The following ZFHX3 variants were observed in gnomAD, a reference collection of about 807,000 sequenced individuals.
The protein encoded by ZFHX3 is zinc finger homeobox protein 3.
ZFHX3 carries 42 observed loss-of-function variants against 279.1 expected under a neutral mutation model. That is an observed-to-expected ratio of 0.15 (90% CI 0.12 to 0.19). The LOEUF (loss-of-function observed/expected upper bound fraction) is 0.19. Ranked by LOEUF, ZFHX3 falls within the 10% of genes least tolerant of loss-of-function variation. The pLI is 1.00. For missense variants in ZFHX3, 4,981 were observed against 4,754.0 expected (o/e 1.05, Z -1.40); for synonymous variants, 2,293 against 1,957.8 (o/e 1.17, Z -4.52).
chr16:73,746,403 G>T (rs1474778924), intron 1 of ZFHX3, among the ~76,000 whole-genome samples: 3 of 152,152 alleles, frequency 2.0e-5, no homozygotes, highest in South Asian at 2.1e-4. Flanking sequence ...AACAAAAGAA[G>T]GCTTGATAGC....
intron 5 of ZFHX3, among the ~76,000 whole-genome samples, chr16:73,246,235 G>T (rs2013275901): frequency 6.6e-6 from 1 of 152,042 alleles, no homozygotes; most frequent in Admixed American, 6.6e-5. Flanking sequence ...AGCCAGGAGT[G>T]AACCATCCTG....
intron 3 of ZFHX3, among the ~76,000 whole-genome samples, chr16:73,323,735 G>A (rs2015626812): frequency 6.6e-6 from 1 of 152,078 alleles, no homozygotes; most frequent in Non-Finnish European, 1.5e-5. Flanking sequence ...AGGAGGAGAA[G>A]GAGGATCACT....
intron 5 of ZFHX3, among the ~76,000 whole-genome samples, chr16:73,177,210 A>T (rs961127414): frequency 2.6e-5 from 4 of 152,202 alleles, no homozygotes; most frequent in Admixed American, 1.3e-4. Flanking sequence ...ACCCAAGTCA[A>T]ATTCAAATTG....
intron 5 of ZFHX3, among the ~76,000 whole-genome samples, chr16:73,178,331 G>T (rs991970998): frequency 6.6e-6 from 1 of 152,138 alleles, no homozygotes; most frequent in African/African-American, 2.4e-5. Context: ...TAGAGATGGG[G>T]TTTGACCATG....
At chr16:73,798,550 C>A (rs1960061270) in intron 1 of ZFHX3, among the ~76,000 whole-genome samples, 1 of 151,398 alleles carries the variant, frequency 6.6e-6, no homozygotes, top group Admixed American at 6.6e-5. Context: ...CCCAAAGCTT[C>A]AGTGCAATCT....
chr16:73,097,080 G>T (rs991432008), intron 7 of ZFHX3, among the ~76,000 whole-genome samples: 4 of 151,660 alleles, frequency 2.6e-5, no homozygotes, highest in Non-Finnish European at 2.9e-5. Context: ...TCGAGGTGGG[G>T]TCTTGTTCTG....
At chr16:73,136,084 C>T (rs1238887882) in intron 6 of ZFHX3, among the ~76,000 whole-genome samples, 4 of 152,062 alleles carry the variant, frequency 2.6e-5, no homozygotes, top group Non-Finnish European at 5.9e-5. Context: ...TCTCGAAATC[C>T]TGAACTTGTG....
rs142407280 is a variant in ZFHX3, at chr16:72,834,615, G to A, written c.3449-4756C>T. ...TGAAATCTGCTCCTGAAGGAGGAGA[G>A]CATGCCAACTGGCAGCCCCATGGGA... On this transcript the variant is annotated intron_variant, in intron 4 of 9. Coordinates refer to ENST00000268489, the MANE Select transcript of ZFHX3 (RefSeq NM_006885.4). 4.3e-4 allele frequency among the ~76,000 whole-genome samples: 65 copies of A among 152,272 alleles called. No individual in the cohort carries two copies. The South Asian group carries it at 6.4e-3, about 15-fold the overall frequency.
At position 72,796,673 on chromosome 16, in the gene ZFHX3, C is replaced by T. The variant is rs2035920253; in HGVS notation, c.6009G>A (p.Glu2003=). The change falls in exon 9 of 10, where the codon GAG becomes GAA. Residue 2003 remains glutamate, a synonymous_variant. Coordinates refer to ENST00000268489, the MANE Select transcript of ZFHX3 (RefSeq NM_006885.4). ...SNILILKSHQ[E]HVHQNYFPFK... ...AAGGAAAGTAATTCTGATGAACGTG[C>T]TCTTGATGACTCTTTAAAATCAAGA... 6.2e-7 allele frequency: 1 copy of T among 1,614,056 alleles called. No individual in the cohort carries two copies. The highest frequency in any genetic ancestry group is 8.5e-7 in the Non-Finnish European group (1 of 1,180,006).
At chr16:73,868,699 A>T (rs1210520136) in intron 1 of ZFHX3, among the ~76,000 whole-genome samples, 2 of 152,078 alleles carry the variant, frequency 1.3e-5, no homozygotes, top group African/African-American at 4.8e-5. Flanking sequence ...ATTAACTGAA[A>T]TTTTTTCACT....
At chr16:73,086,473 G>T (rs1294341661) in intron 8 of ZFHX3, among the ~76,000 whole-genome samples, 1 of 152,128 alleles carries the variant, frequency 6.6e-6, no homozygotes, top group East Asian at 1.9e-4. Context: ...GTCCATCAAT[G>T]GATGAATGGA....
At chr16:73,306,389 G>A (rs1367213652) in intron 4 of ZFHX3, among the ~76,000 whole-genome samples, 2 of 152,118 alleles carry the variant, frequency 1.3e-5, no homozygotes, top group African/African-American at 4.8e-5. Flanking sequence ...GTGCCATCTC[G>A]GCTCACTGTA....
At chr16:73,662,603 G>C (rs939519566) in intron 2 of ZFHX3, among the ~76,000 whole-genome samples, 1 of 152,140 alleles carries the variant, frequency 6.6e-6, no homozygotes, top group South Asian at 2.1e-4. Flanking sequence ...AGTAATTCAA[G>C]AGGCTGAGAG....
intron 4 of ZFHX3, among the ~76,000 whole-genome samples, chr16:73,313,120 T>A (rs532438612): frequency 6.6e-6 from 1 of 152,272 alleles, no homozygotes; most frequent in African/African-American, 2.4e-5. Context: ...ATCTGATGGT[T>A]TAAAAGTGTG....
chr16:72,851,805 C>A (rs1472155160), intron 4 of ZFHX3, among the ~76,000 whole-genome samples: 2 of 152,164 alleles, frequency 1.3e-5, no homozygotes, highest in Non-Finnish European at 2.9e-5. Flanking sequence ...CCCACCCCAG[C>A]CTCCCAAAGT....
intron 1 of ZFHX3, among the ~76,000 whole-genome samples, chr16:73,016,607 G>A (rs769989427): frequency 5.3e-5 from 8 of 152,076 alleles, no homozygotes; most frequent in Non-Finnish European, 1.0e-4. Flanking sequence ...ACCAACCCCA[G>A]AAATAGAATC....
chr16:73,579,920 A>C (rs1029431716), intron 2 of ZFHX3, among the ~76,000 whole-genome samples: 8 of 146,966 alleles, frequency 5.4e-5, no homozygotes, highest in Non-Finnish European at 1.0e-4. Context: ...TATAAAGTAT[A>C]ATGTATAATG....
chr16:73,256,227 C>T (rs2144962590), intron 5 of ZFHX3, among the ~76,000 whole-genome samples: 1 of 152,264 alleles, frequency 6.6e-6, no homozygotes, highest in African/African-American at 2.4e-5. Flanking sequence ...CACCAGACAA[C>T]TAGATCTGCC....
intron 1 of ZFHX3, among the ~76,000 whole-genome samples, chr16:73,831,040 T>C (rs1960982031): frequency 6.6e-6 from 1 of 152,220 alleles, no homozygotes; most frequent in South Asian, 2.1e-4. Context: ...CATATTTCTC[T>C]TCCCCTTTAG....
Sources: allele counts gnomAD v4.1 joint callset (sites outside exome capture counted in the v4.1 genomes callset), GRCh38; gene constraint gnomAD v4.1.1; transcripts MANE v1.5; gene names NCBI Gene and HGNC (gene_info 2026-07-23, HGNC 2026-07-21).